Variants in H2AZ1 observed in about 807,000 individuals in gnomAD.
H2AZ1 encodes H2A.Z variant histone 1.
A neutral mutation model predicts 16.6 loss-of-function variants in H2AZ1; 3 were observed. The observed-to-expected ratio is 0.18, with a 90% confidence interval of 0.08 to 0.47. The LOEUF (loss-of-function observed/expected upper bound fraction) is 0.47, where lower values mean the gene tolerates loss of function less well. Ranked by LOEUF, H2AZ1 falls within the 20% of genes least tolerant of loss-of-function variation. H2AZ1 has a pLI of 0.98. For missense variants in H2AZ1, 27 were observed against 163.6 expected, an observed-to-expected ratio of 0.17 and a Z score of 4.55; for synonymous variants, 78 against 60.7, an observed-to-expected ratio of 1.28 and a Z score of -1.32.
intron 1 of H2AZ1, 152 bp downstream of exon 1, chr4:99,950,016 T>G: frequency 3.0e-6 from 2 of 660,432 alleles, no homozygotes; most frequent in South Asian, 2.0e-5. Context: ...GCTGCTCCGC[T>G]AGCAGCCGAC....
intron 1 of H2AZ1, 50 bp downstream of exon 1, chr4:99,950,118 T>C (rs775032760): frequency 6.3e-7 from 1 of 1,597,134 alleles, no homozygotes; most frequent in South Asian, 1.1e-5. Context: ...CGGGTTTTTC[T>C]CTCGCCGGCA....
At position 99,948,331 on chromosome 4, in the gene H2AZ1, A is replaced by G; in HGVS notation, c.*131T>C. The G allele has an allele frequency of 1.3e-6, 1 of 745,120 alleles. No homozygotes were observed. The highest frequency in any genetic ancestry group is 2.5e-6 in the Non-Finnish European group (1 of 402,938). The allele number at this position is 745,120 out of a possible 1,614,324, so 46.2% of individuals were successfully genotyped here. ...TGGTTGGAAAGCTAATTAAACTTCC[A>G]ACTTGCTCAAATAGAATTACAAAAA... is the stretch of plus-strand genomic sequence containing the variant. On this transcript the variant is annotated 3_prime_UTR_variant, in exon 5 of 5. Transcript: ENST00000296417.
In H2AZ1 at chr4:99,948,418, T is replaced by C. The variant is rs918590386; in HGVS notation, c.*44A>G. The C allele has an allele frequency of 9.4e-7, 1 of 1,068,660 alleles. No homozygotes were observed. The highest frequency in any genetic ancestry group is 1.5e-6 in the Non-Finnish European group (1 of 682,842). The allele number at this position is 1,068,660 out of a possible 1,614,324, so 66.2% of individuals were successfully genotyped here. ...GGAATCACCAACACTGGACAGCTGT[T>C]AGAGTATTTAGAGTCCTGAGATAAC... is the stretch of plus-strand genomic sequence containing the variant. On this transcript the variant is annotated 3_prime_UTR_variant, in exon 5 of 5. Transcript: ENST00000296417.
intron 1 of H2AZ1, 31 bp downstream of exon 1, chr4:99,950,137 C>CG: frequency 6.2e-7 from 1 of 1,607,026 alleles, no homozygotes; most frequent in African/African-American, 1.3e-5. Flanking sequence ...CAAAAACCCG[C>CG]GGAGTCATCG....
At position 99,949,653 on chromosome 4, in the gene H2AZ1, A is replaced by G. The variant is rs781525376; in HGVS notation, c.81+10T>C. On this transcript the variant is annotated intron_variant, in intron 2 of 4. Transcript: ENST00000296417. ...ATCATGACTCCCAGACTGCACGAACAACTACTGACCTGCAAGCCGGCTCTC... is the reference window on the plus strand; with the variant it reads ...ATCATGACTCCCAGACTGCACGAACGACTACTGACCTGCAAGCCGGCTCTC... 2.2e-5 allele frequency: 36 copies of G among 1,611,636 alleles called. No homozygotes were observed. Among genetic ancestry groups the G allele is most frequent in the Non-Finnish European group, 2.9e-5 (34 of 1,177,808 alleles).
chr4:99,949,439 T>C (rs1295408558), intron 2 of H2AZ1, 53 bp from the exon 3 acceptor site: 1 of 1,239,990 alleles, frequency 8.1e-7, no homozygotes, highest in Non-Finnish European at 1.2e-6. Flanking sequence ...GAACTAGAGA[T>C]GGGGAAATTA....
intron 1 of H2AZ1, 73 bp from the exon 2 acceptor site, chr4:99,949,813 C>A (rs1166718588): frequency 4.9e-6 from 6 of 1,225,034 alleles, no homozygotes; most frequent in Non-Finnish European, 6.8e-6. Flanking sequence ...GCGCCCATCC[C>A]CCACCGCGGC....
chr4:99,949,795 A>C (rs1384349524), intron 1 of H2AZ1, 55 bp from the exon 2 acceptor site: 2 of 1,379,522 alleles, frequency 1.4e-6, no homozygotes, highest in Non-Finnish European at 2.0e-6. Context: ...TAGAATTACC[A>C]AGGCGGCGCG....
Position 99,948,092 on chromosome 4 carries a change from G to T in H2AZ1, c.*370C>A. On this transcript the variant is annotated 3_prime_UTR_variant, in exon 5 of 5. Transcript: ENST00000296417. ...GCAAATTTAATACACAACTAGTTTG[G>T]GATATGACCTTTATTGAACTTATCC... is the stretch of plus-strand genomic sequence containing the variant. 2.8e-6 allele frequency: 1 copy of T among 354,334 alleles called. No homozygotes were observed. Among genetic ancestry groups the T allele is most frequent in the Non-Finnish European group, 5.4e-6 (1 of 184,876 alleles). 21.9% of individuals were successfully genotyped at this position (354,334 alleles called of 1,614,324 possible).
At chr4:99,948,979 T>G in intron 3 of H2AZ1, 39 bp from the exon 4 acceptor site, 1 of 1,226,048 alleles carries the variant, frequency 8.2e-7, no homozygotes, top group Non-Finnish European at 1.2e-6. Context: ...CCAACTTTCC[T>G]TTGGCCAAGA....
Position 99,948,945 on chromosome 4 carries a change from A to G in H2AZ1, c.196-5T>C. On this transcript the variant is annotated splice_region_variant and splice_polypyrimidine_tract_variant and intron_variant, in intron 3 of 4. Coordinates refer to ENST00000296417, the MANE Select transcript of H2AZ1 (RefSeq NM_002106.4). ...ATTTCCTGCCAGTTCAAGTACCTAA[A>G]AGGCAGAATCTGTCAGTTGCCTTCC... is the stretch of plus-strand genomic sequence containing the variant. 1 of 1,542,628 alleles carries G rather than the reference A, an allele frequency of 6.5e-7. No individual in the cohort carries two copies. The highest frequency in any genetic ancestry group is 1.1e-5 in the South Asian group (1 of 89,226).
intron 3 of H2AZ1, 143 bp downstream of exon 3, chr4:99,949,130 G>C: frequency 9.1e-6 from 6 of 659,384 alleles, no homozygotes; most frequent in Non-Finnish European, 1.6e-5. Flanking sequence ...GATCCTTGTT[G>C]AACACCAGCT....
chr4:99,948,771 C>T (rs1320481693), intron 4 of H2AZ1, 40 bp downstream of exon 4: 1 of 1,572,010 alleles, frequency 6.4e-7, no homozygotes, highest in Non-Finnish European at 8.6e-7. Flanking sequence ...AAAATTCCTT[C>T]CTCTGAAGAA....
intron 3 of H2AZ1, 132 bp from the exon 4 acceptor site, chr4:99,949,072 G>C: frequency 1.4e-6 from 1 of 715,086 alleles, no homozygotes. Context: ...AAGATATACA[G>C]GGGGCACGCA....
Position 99,950,256 on chromosome 4 carries a change from C to A in H2AZ1, c.-86G>T. The A allele has an allele frequency of 1.5e-6, 2 of 1,301,996 alleles. No individual in the cohort carries two copies. Among genetic ancestry groups the A allele is most frequent in the South Asian group, 1.2e-5 (1 of 81,978 alleles). The allele number at this position is 1,301,996 out of a possible 1,614,324, so 80.7% of individuals were successfully genotyped here. ...GAGATCCCACCACCTACTCCTTCGT[C>A]GCACCGCGATTCAAACTGCGCTGTC... On this transcript the variant is annotated 5_prime_UTR_variant, in exon 1 of 5. Coordinates refer to ENST00000296417, the MANE Select transcript of H2AZ1 (RefSeq NM_002106.4).
rs890576400 is a variant in H2AZ1, at chr4:99,949,749, C to T, written c.4-9G>A. ...CCAGCCTTACCGCCAGCCTGCGGCG[C>T]GCACACGCCCGCGAGCGGAGGAGGA... On this transcript the variant is annotated splice_polypyrimidine_tract_variant and intron_variant, in intron 1 of 4. Transcript: ENST00000296417. 2 of 1,602,378 alleles carry T rather than the reference C, an allele frequency of 1.2e-6. No homozygotes were observed. The highest frequency in any genetic ancestry group is 1.7e-5 in the Admixed American group (1 of 58,374).
intron 1 of H2AZ1, 72 bp from the exon 2 acceptor site, chr4:99,949,812 CCCCACCGCGGCGCGT>C (rs992521936): frequency 5.9e-5 from 73 of 1,241,026 alleles, no homozygotes; most frequent in Middle Eastern, 5.7e-4. Flanking sequence ...CGCGCCCATC[CCCCACCGCGGCGCGT>C]CCCGCCGCGA....
rs1205739302 is a variant in H2AZ1 at position 99,948,468 on chromosome 4, A to T, written c.381T>A (p.Thr127=). 3 of 1,548,418 alleles carry T rather than the reference A, an allele frequency of 1.9e-6. No homozygotes were observed. The South Asian group carries it at 3.3e-5, about 17-fold the overall frequency. Residue 127 remains threonine, a synonymous_variant, in exon 5 of 5, where the codon ACT becomes ACA. Transcript: ENST00000296417. ...CAAGGAATCCAGGCATCCTTTAGAC[A>T]GTCTTCTGTTGTCCTTTCTTCCCAA... ...SLIGKKGQQK[T]V
rs1263536050 is a variant in H2AZ1 at position 99,950,245 on chromosome 4, T to C, written c.-75A>G. On this transcript the variant is annotated 5_prime_UTR_variant, in exon 1 of 5. Transcript: ENST00000296417. ...GGACCCACGGTGAGATCCCACCACC[T>C]ACTCCTTCGTCGCACCGCGATTCAA... is the stretch of plus-strand genomic sequence containing the variant. 8.5e-6 allele frequency: 12 copies of C among 1,408,602 alleles called. No individual in the cohort carries two copies. The highest frequency in any genetic ancestry group is 2.4e-5 in the South Asian group (2 of 84,592). The allele number at this position is 1,408,602 out of a possible 1,614,324, so 87.3% of individuals were successfully genotyped here. A position where few individuals can be genotyped will look rare whatever the true frequency, so the allele number is the denominator to read the frequency against.
Sources: gnomAD v4.1 joint callset for allele counts on GRCh38, gnomAD v4.1.1 for gene constraint, MANE v1.5 for transcripts, NCBI Gene and HGNC (gene_info 2026-07-23, HGNC 2026-07-21) for gene names.